Variants in PCDHA3 observed in about 807,000 individuals in gnomAD.
PCDHA3 encodes the protein protocadherin alpha 3.
PCDHA3 carries 41 observed loss-of-function variants against 62.2 expected under a neutral mutation model. That is an observed-to-expected ratio of 0.66 (90% confidence interval 0.51 to 0.86). The LOEUF is 0.86. Ranked by LOEUF, PCDHA3 falls within the 40% of genes least tolerant of loss-of-function variation. The probability of loss-of-function intolerance (pLI) is 0.00; values close to 1 mark genes in which losing one functional copy is unlikely to be tolerated. For synonymous variants in PCDHA3, 640 were observed against 555.4 expected (o/e 1.15, Z -2.14); for missense variants, 1,304 against 1,241.2 (o/e 1.05, Z -0.76).
At chr5:140,892,013 C>T (rs2063353338) in intron 1 of PCDHA3, among the ~76,000 whole-genome samples, 1 of 152,206 alleles carries the variant, frequency 6.6e-6, no homozygotes, top group South Asian at 2.1e-4. Context: ...GTTATAGCAG[C>T]ACAAATGGTC....
intron 3 of PCDHA3, among the ~76,000 whole-genome samples, chr5:141,003,141 AGACTC>A (rs1554258926): frequency 1.3e-5 from 2 of 152,202 alleles, no homozygotes; most frequent in African/African-American, 4.8e-5. Flanking sequence ...GCCTTGGCAA[AGACTC>A]TGACCTGATC....
intron 1 of PCDHA3, chr5:140,807,118 G>T: frequency 6.5e-7 from 1 of 1,530,054 alleles, no homozygotes; most frequent in South Asian, 1.3e-5. Context: ...GCACTTGACT[G>T]ACCGATTAAA....
At chr5:140,945,125 T>G (rs405192) in intron 1 of PCDHA3, among the ~76,000 whole-genome samples, 86,337 of 151,830 alleles carry the variant, frequency 0.57, 25,231 homozygotes, top group African/African-American at 0.71. Flanking sequence ...AAAAATCAAC[T>G]TACAAAAATC....
At chr5:140,922,166 G>A (rs1304025068) in intron 1 of PCDHA3, among the ~76,000 whole-genome samples, 1 of 143,464 alleles carries the variant, frequency 7.0e-6, no homozygotes, top group East Asian at 2.2e-4. Flanking sequence ...ACAACAAAAA[G>A]TACAGCAGAC....
intron 1 of PCDHA3, among the ~76,000 whole-genome samples, chr5:140,913,558 G>C (rs1042223174): frequency 2.6e-5 from 4 of 151,668 alleles, no homozygotes; most frequent in African/African-American, 4.8e-5. Flanking sequence ...TTGATCTCTT[G>C]TATTTTCATC....
rs2150409017 is a variant in PCDHA3, at chr5:140,848,335, G to A, written c.2394+44744G>A. ...TGCCGCGATGTTCTCTCTGAATCCA[G>A]ACAAATACAGCCCTTTTCCCATGGG... On this transcript the variant is annotated intron_variant, in intron 1 of 3. Transcript: ENST00000522353. The A allele has an allele frequency of 1.4e-5, 12 of 865,274 alleles. 2 individuals carry two copies. The highest frequency in any genetic ancestry group is 2.2e-5 in the Non-Finnish European group (12 of 551,794). 53.6% of individuals were successfully genotyped at this position (865,274 alleles called of 1,614,324 possible). A position where few individuals can be genotyped will look rare whatever the true frequency, so the allele number is the denominator to read the frequency against.
chr5:140,896,491 T>A (rs2065573741), intron 1 of PCDHA3, among the ~76,000 whole-genome samples: 1 of 152,042 alleles, frequency 6.6e-6, no homozygotes, highest in South Asian at 2.1e-4. Flanking sequence ...GCCTCCTGAG[T>A]AGCTGGGACT....
intron 1 of PCDHA3, chr5:140,858,285 G>A (rs782182754): frequency 1.3e-6 from 2 of 1,597,520 alleles, no homozygotes; most frequent in Non-Finnish European, 8.6e-7. Flanking sequence ...GTGGGGAGCT[G>A]GTCTTACTCG....
intron 1 of PCDHA3, chr5:140,869,464 G>C: frequency 6.2e-7 from 1 of 1,614,198 alleles, no homozygotes; most frequent in Non-Finnish European, 8.5e-7. Context: ...CCATGTGAAC[G>C]TGGAGGTGAA....
chr5:140,883,507 G>T (rs782325165), intron 1 of PCDHA3: 1 of 1,614,200 alleles, frequency 6.2e-7, no homozygotes, highest in South Asian at 1.1e-5. Flanking sequence ...ACAGCGCCCT[G>T]GACCGCGAGA....
intron 3 of PCDHA3, among the ~76,000 whole-genome samples, chr5:140,995,012 AGG>A (rs1360435760): frequency 6.6e-6 from 1 of 152,218 alleles, no homozygotes; most frequent in Non-Finnish European, 1.5e-5. Context: ...GTTTATATTT[AGG>A]AAAGAAGATT....
At chr5:140,816,237 T>A (rs1181051866) in intron 1 of PCDHA3, 1 of 152,238 alleles carries the variant, frequency 6.6e-6, no homozygotes. Flanking sequence ...TAATTTCAAA[T>A]GATGTGTCCT....
At chr5:140,897,543 C>A (rs1325895994) in intron 1 of PCDHA3, among the ~76,000 whole-genome samples, 2 of 152,044 alleles carry the variant, frequency 1.3e-5, no homozygotes, top group African/African-American at 4.8e-5. Flanking sequence ...GCTGCATAGT[C>A]TTCCATGGTG....
In PCDHA3 at chr5:140,858,841, A is replaced by G. The variant is rs1390112804; in HGVS notation, c.2394+55250A>G. The G allele has an allele frequency of 1.6e-5, 5 of 314,504 alleles. No homozygotes were observed. The East Asian group carries it at 3.7e-4, about 23-fold the overall frequency. 19.5% of individuals were successfully genotyped at this position (314,504 alleles called of 1,614,324 possible). A position where few individuals can be genotyped will look rare whatever the true frequency, so the allele number is the denominator to read the frequency against. ...TGTATTTGCATTACCAAAAAATTCC[A>G]CTGATCTATATCTCTTCAGTGAAAA... On this transcript the variant is annotated intron_variant, in intron 1 of 3. Coordinates refer to ENST00000522353, the MANE Select transcript of PCDHA3 (RefSeq NM_018906.3).
chr5:140,850,140 G>T lies in PCDHA3; in HGVS notation c.2394+46549G>T, dbSNP rs2150469344. ...GGGCGTGCCGCCTCTGGGCAGCAACGTGACGCTGCAGGTGTTCGTGCTGGA... is the reference window on the plus strand; with the variant it reads ...GGGCGTGCCGCCTCTGGGCAGCAACTTGACGCTGCAGGTGTTCGTGCTGGA... On this transcript the variant is annotated intron_variant, in intron 1 of 3. Transcript: ENST00000522353. 66 of 1,595,706 alleles carry T rather than the reference G, an allele frequency of 4.1e-5. 9 individuals are homozygous for T. Among genetic ancestry groups the T allele is most frequent in the East Asian group, 6.7e-5 (3 of 44,838 alleles).
intron 1 of PCDHA3, chr5:140,843,106 C>T: frequency 1.9e-6 from 3 of 1,595,704 alleles, no homozygotes; most frequent in Non-Finnish European, 2.6e-6. Context: ...CGAAGGTGCG[C>T]GCAGTGGACG....
intron 1 of PCDHA3, chr5:140,827,876 G>T: frequency 1.5e-6 from 1 of 646,280 alleles, no homozygotes; most frequent in East Asian, 2.7e-5. Context: ...GCACTGTTAC[G>T]TGAATTGATT....
At chr5:140,856,346 GAGTGC>G in intron 1 of PCDHA3, 1 of 1,598,632 alleles carries the variant, frequency 6.3e-7, no homozygotes, top group South Asian at 1.1e-5. Context: ...GCGGAGCGTG[GAGTGC>G]AGCATCCACC....
rs2150184620 is a variant in PCDHA3 at position 140,830,293 on chromosome 5, G to T, written c.2394+26702G>T. On this transcript the variant is annotated intron_variant, in intron 1 of 3. Transcript: ENST00000522353. ...CACCCACCGAGGGCGCGTGCACGGC[G>T]GACAAGCCCACGCTGGTGTGCTCCA... The T allele has an allele frequency of 1.5e-5, 25 of 1,613,858 alleles. No homozygotes were observed. The South Asian group carries it at 2.7e-4, about 18-fold the overall frequency.
Sources: gnomAD v4.1 joint callset for allele counts (sites outside exome capture counted in the v4.1 genomes callset) on GRCh38, gnomAD v4.1.1 for gene constraint, MANE v1.5 for transcripts, NCBI Gene and HGNC (gene_info 2026-07-23, HGNC 2026-07-21) for gene names.